The following GABRB1 variants were observed in gnomAD, a reference collection of about 807,000 sequenced individuals.
GABRB1 encodes gamma-aminobutyric acid receptor subunit beta-1.
Under a neutral mutation model 51.6 loss-of-function variants are expected in GABRB1, and 17 were observed. The ratio of observed to expected loss-of-function variants is 0.33; its 90% CI spans 0.23 to 0.49. GABRB1 has a LOEUF of 0.49. Ranked by LOEUF, GABRB1 falls within the 20% of genes least tolerant of loss-of-function variation. GABRB1 has a pLI of 0.99. For synonymous variants in GABRB1, 247 were observed against 218.9 expected (o/e 1.13, Z -1.14); for missense variants, 410 against 600.6 (o/e 0.68, Z 3.32).
chr4:47,246,074 T>TC (rs57849032), intron 4 of GABRB1, among the ~76,000 whole-genome samples: 30,819 of 145,830 alleles, frequency 0.21, 3,459 homozygotes, highest in African/African-American at 0.27. Flanking sequence ...TCTCTCATTC[T>TC]CCCCCCCCAA....
intron 4 of GABRB1, among the ~76,000 whole-genome samples, chr4:47,317,845 GAT>G (rs1294144054): frequency 2.0e-5 from 3 of 150,508 alleles, no homozygotes; most frequent in Non-Finnish European, 3.0e-5. Flanking sequence ...AAAATACTCT[GAT>G]ATATATATAT....
chr4:47,128,279 A>G (rs1206216295), intron 3 of GABRB1, among the ~76,000 whole-genome samples: 1 of 151,846 alleles, frequency 6.6e-6, no homozygotes, highest in African/African-American at 2.4e-5. Context: ...AACTGCTTGT[A>G]CTAAAAAAGA....
In GABRB1 at chr4:47,374,850, A is replaced by C. The variant is rs564732252; in HGVS notation, c.545-28468A>C. ...TAAACCATGGTAGGAAAAGAAGCCA[A>C]AGGGATGGATAGACAGAGGGTGATC... On this transcript the variant is annotated intron_variant, in intron 5 of 8. Transcript: ENST00000295454. Among the ~76,000 whole-genome samples the C allele has an allele frequency of 8.1e-4, 123 of 152,358 alleles. 4 individuals are homozygous for C. Among genetic ancestry groups the C allele is most frequent in the African/African-American group, 2.6e-3 (109 of 41,588 alleles).
chr4:47,124,242 T>A (rs982931811), intron 3 of GABRB1, among the ~76,000 whole-genome samples: 2 of 150,748 alleles, frequency 1.3e-5, no homozygotes, highest in East Asian at 1.9e-4. Context: ...ATTAGAAGAG[T>A]TTTGCAAACA....
chr4:47,291,988 G>C (rs1199810871), intron 4 of GABRB1, among the ~76,000 whole-genome samples: 1 of 152,186 alleles, frequency 6.6e-6, no homozygotes. Context: ...GATTGGTTTT[G>C]AATTGTGAGG....
chr4:47,162,007 T>A (rs1393416775), intron 4 of GABRB1, among the ~76,000 whole-genome samples: 1 of 152,050 alleles, frequency 6.6e-6, no homozygotes, highest in Non-Finnish European at 1.5e-5. Flanking sequence ...GGTTATTTAG[T>A]TGATAGCTTT....
chr4:47,205,820 T>C (rs992739729), intron 4 of GABRB1, among the ~76,000 whole-genome samples: 4 of 152,110 alleles, frequency 2.6e-5, no homozygotes, highest in African/African-American at 9.7e-5. Flanking sequence ...ACAGAACCCA[T>C]TTTAAGAAAA....
At chr4:47,411,258 A>G (rs1728751732) in intron 8 of GABRB1, among the ~76,000 whole-genome samples, 1 of 152,200 alleles carries the variant, frequency 6.6e-6, no homozygotes. Flanking sequence ...ATATCCTACA[A>G]TAGATGAATG....
chr4:47,299,861 C>G (rs55908551), intron 4 of GABRB1, among the ~76,000 whole-genome samples: 4,373 of 150,692 alleles, frequency 0.029, 79 homozygotes, highest in African/African-American at 0.051. Flanking sequence ...CAATGATAGA[C>G]TGGATTAAGA....
At chr4:47,059,517 A>C (rs1041756944) in intron 3 of GABRB1, among the ~76,000 whole-genome samples, 1 of 152,158 alleles carries the variant, frequency 6.6e-6, no homozygotes, top group East Asian at 1.9e-4. Context: ...AGCTTCTATT[A>C]ATGTCATTTT....
At chr4:47,352,727 T>C (rs1726401127) in intron 5 of GABRB1, among the ~76,000 whole-genome samples, 4 of 152,138 alleles carry the variant, frequency 2.6e-5, no homozygotes, top group Admixed American at 2.6e-4. Context: ...TATTGCCTGA[T>C]TGGCATTTCA....
At chr4:47,203,921 T>C (rs1363052136) in intron 4 of GABRB1, among the ~76,000 whole-genome samples, 1 of 151,988 alleles carries the variant, frequency 6.6e-6, no homozygotes, top group African/African-American at 2.4e-5. Flanking sequence ...GAAAGCAAAA[T>C]CCTCAGAGGA....
intron 3 of GABRB1, among the ~76,000 whole-genome samples, chr4:47,034,813 G>A (rs974065916): frequency 4.6e-5 from 7 of 152,112 alleles, no homozygotes; most frequent in Admixed American, 3.9e-4. Flanking sequence ...ACCCCCAAAA[G>A]AGAATTGTTT....
chr4:47,016,866 A>C (rs1329295867), intron 1 of GABRB1, among the ~76,000 whole-genome samples: 2 of 152,200 alleles, frequency 1.3e-5, no homozygotes, highest in African/African-American at 4.8e-5. Context: ...CTGGGATTAC[A>C]GGACTGAGCC....
chr4:47,188,617 T>C (rs1719293754), intron 4 of GABRB1, among the ~76,000 whole-genome samples: 1 of 152,016 alleles, frequency 6.6e-6, no homozygotes, highest in Admixed American at 6.6e-5. Flanking sequence ...AAAAAAAACA[T>C]TCTTTCTATT....
At chr4:47,182,433 T>A (rs898338402) in intron 4 of GABRB1, among the ~76,000 whole-genome samples, 2 of 152,022 alleles carry the variant, frequency 1.3e-5, no homozygotes, top group South Asian at 4.1e-4. Context: ...GAATCTCATG[T>A]TTACCAAGTG....
At chr4:47,166,004 A>G (rs1388289969) in intron 4 of GABRB1, among the ~76,000 whole-genome samples, 1 of 151,982 alleles carries the variant, frequency 6.6e-6, no homozygotes, top group Non-Finnish European at 1.5e-5. Flanking sequence ...TACCATCTAA[A>G]TTAACATCCT....
intron 4 of GABRB1, among the ~76,000 whole-genome samples, chr4:47,247,616 T>C (rs1043298739): frequency 6.6e-6 from 1 of 152,094 alleles, no homozygotes; most frequent in African/African-American, 2.4e-5. Flanking sequence ...TTTGGCAGTA[T>C]GGTCATTTTC....
intron 4 of GABRB1, among the ~76,000 whole-genome samples, chr4:47,233,595 C>T (rs1721223248): frequency 6.6e-6 from 1 of 152,066 alleles, no homozygotes; most frequent in Admixed American, 6.5e-5. Context: ...CTAATTCAAG[C>T]TTTTGGAGCT....
Sources: allele counts gnomAD v4.1 joint callset (sites outside exome capture counted in the v4.1 genomes callset), GRCh38; gene constraint gnomAD v4.1.1; transcripts MANE v1.5; gene names NCBI Gene and HGNC (gene_info 2026-07-23, HGNC 2026-07-21).